Variants in SERPINE3 observed in about 807,000 individuals in gnomAD.
SERPINE3 encodes the protein serpin E3.
In SERPINE3, 43 loss-of-function variants were observed where a neutral mutation model predicts 41.7. The ratio of observed to expected loss-of-function variants is 1.03; its 90% CI spans 0.81 to 1.33. The LOEUF (loss-of-function observed/expected upper bound fraction) is 1.33. Ranked by LOEUF, SERPINE3 falls within the 40% of genes most tolerant of loss-of-function variation. The probability of loss-of-function intolerance (pLI) is 0.00; values close to 1 mark genes in which losing one functional copy is unlikely to be tolerated. For synonymous variants in SERPINE3, 200 were observed against 192.2 expected (o/e 1.04, Z -0.34); for missense variants, 440 against 491.7 (o/e 0.89, Z 0.99).
intron 4 of SERPINE3, among the ~76,000 whole-genome samples, chr13:51,345,854 T>G (rs756280696): frequency 2.0e-5 from 3 of 152,200 alleles, no homozygotes; most frequent in Non-Finnish European, 2.9e-5. Context: ...GATTGTCCTC[T>G]AAGAAAAAGG....
chr13:51,344,300 C>T lies in SERPINE3; in HGVS notation c.305C>T (p.Thr102Ile). The change falls in exon 4 of 10, where the codon ACC becomes ATC. Residue 102 changes from threonine (T) to isoleucine (I), a missense_variant. Transcript: ENST00000681248. ...CATGCTGTTTATGCCACACTACCCACCTCCAGCCAAGGCACCGAGATGGAG... is the reference window on the plus strand; with the variant it reads ...CATGCTGTTTATGCCACACTACCCATCTCCAGCCAAGGCACCGAGATGGAG... ...FLHAVYATLPTSSQGTEMELA... is the reference protein window; with the variant it reads ...FLHAVYATLPISSQGTEMELA... 6.2e-7 allele frequency: 1 copy of T among 1,613,960 alleles called. No individual in the cohort carries two copies. Among genetic ancestry groups the T allele is most frequent in the Non-Finnish European group, 8.5e-7 (1 of 1,179,874 alleles).
At chr13:51,355,834 AAGGCTC>A (rs1448418269) in intron 7 of SERPINE3, among the ~76,000 whole-genome samples, 1 of 152,136 alleles carries the variant, frequency 6.6e-6, no homozygotes, top group African/African-American at 2.4e-5. Flanking sequence ...TGCCAACTCA[AAGGCTC>A]AGGTTTGTTT....
intron 4 of SERPINE3, among the ~76,000 whole-genome samples, chr13:51,346,496 G>A (rs1256584431): frequency 1.3e-5 from 2 of 152,074 alleles, no homozygotes; most frequent in Admixed American, 6.5e-5. Flanking sequence ...AGCAACAGCT[G>A]GTTATAAACA....
chr13:51,345,599 A>G (rs1955338863), intron 4 of SERPINE3, among the ~76,000 whole-genome samples: 1 of 145,178 alleles, frequency 6.9e-6, no homozygotes. Flanking sequence ...TCTCAAAAAA[A>G]AAAAAAAAAA....
rs139437711 is a variant in SERPINE3 at position 51,356,553 on chromosome 13, C to T, written c.1000+1410C>T. Among the ~76,000 whole-genome samples, 744 of 152,118 alleles carry T rather than the reference C, an allele frequency of 4.9e-3. 6 individuals are homozygous for T. The highest frequency in any genetic ancestry group is 0.017 in the African/African-American group (713 of 41,502). On this transcript the variant is annotated intron_variant, in intron 7 of 9. Transcript: ENST00000681248. ...TATTTTCTTCTACATCACTGTATTC[C>T]GTGAATCACTAGGGCTTACTGACTG... is the stretch of plus-strand genomic sequence containing the variant.
In SERPINE3 at chr13:51,341,154, C is replaced by A; in HGVS notation, c.63C>A (p.His21Gln). The A allele has an allele frequency of 1.2e-6, 2 of 1,614,062 alleles. No individual in the cohort carries two copies. The highest frequency in any genetic ancestry group is 1.7e-6 in the Non-Finnish European group (2 of 1,179,898). ...CTTGCTGCCTCCGAGCAAATGGCCA[C>A]CTCCGTGAAGGAATGACATTGCTGA... is the stretch of plus-strand genomic sequence containing the variant. The part of the protein sequence containing the change: ...FHSCCLRANG[H>Q]LREGMTLLKT... Residue 21 changes from histidine (H) to glutamine (Q), a missense_variant, in exon 3 of 10, where the codon CAC becomes CAA. His to Gln is a conservative substitution (Grantham distance 24). Coordinates refer to ENST00000681248, the MANE Select transcript of SERPINE3 (RefSeq NM_001386375.1).
intron 9 of SERPINE3, 58 bp from the exon 10 acceptor site, chr13:51,364,181 C>A: frequency 1.2e-6 from 1 of 824,112 alleles, no homozygotes; most frequent in Non-Finnish European, 1.9e-6. Context: ...GTAAACAAAG[C>A]TTAAAGAACT....
intron 7 of SERPINE3, among the ~76,000 whole-genome samples, chr13:51,359,133 G>A (rs754199202): frequency 6.6e-6 from 1 of 152,040 alleles, no homozygotes; most frequent in East Asian, 1.9e-4. Context: ...AAAATAGGGC[G>A]TATGTCCCTC....
At chr13:51,354,394 A>G (rs929625997) in intron 6 of SERPINE3, 1 of 152,206 alleles carries the variant, frequency 6.6e-6, no homozygotes, top group Non-Finnish European at 1.5e-5. Context: ...CTGATAATCC[A>G]CATAAAGCTC....
chr13:51,348,290 C>G lies in SERPINE3; in HGVS notation c.778C>G (p.Leu260Val). The G allele has an allele frequency of 6.2e-7, 1 of 1,612,046 alleles. No individual in the cohort carries two copies. The highest frequency in any genetic ancestry group is 8.5e-7 in the Non-Finnish European group (1 of 1,179,202). ...CCTGGGAAGTGCAGTGAGTCTGTTC[C>G]TGGTGCTGCCCCGTGACAAAGACAC... ...PYLGSAVSLF[L>V]VLPRDKDTPL... Residue 260 changes from leucine (L) to valine (V), a missense_variant, in exon 6 of 10, where the codon CTG (leucine) becomes GTG (valine). By Grantham distance (32) the Leu-to-Val change is conservative. Transcript: ENST00000681248.
chr13:51,340,990 T>TG, intron 2 of SERPINE3, 85 bp from the exon 3 acceptor site: 1 of 1,380,234 alleles, frequency 7.2e-7, no homozygotes, highest in Admixed American at 1.8e-5. Context: ...AAAACAGAGC[T>TG]GGGGGTCCCA....
Position 51,341,103 on chromosome 13 carries a change from C to T in SERPINE3, c.12C>T (p.Phe4=). The T allele has an allele frequency of 6.2e-7, 1 of 1,613,930 alleles. No homozygotes were observed. The highest frequency in any genetic ancestry group is 8.5e-7 in the Non-Finnish European group (1 of 1,179,834). MPP[F]LITLFLFHSC... ...CCCTCCCAGCCTCCATGCCGCCTTT[C>T]CTGATCACCCTCTTCCTCTTTCACT... Residue 4 remains phenylalanine (F), a synonymous_variant, in exon 3 of 10, where the codon TTC becomes TTT. Coordinates refer to ENST00000681248, the MANE Select transcript of SERPINE3 (RefSeq NM_001386375.1).
intron 9 of SERPINE3, chr13:51,362,938 T>C (rs1183824535): frequency 6.6e-6 from 1 of 152,174 alleles, no homozygotes; most frequent in Non-Finnish European, 1.5e-5. Context: ...TATTTCACCA[T>C]GATCATCCCA....
chr13:51,347,340 C>T (rs187231473), intron 5 of SERPINE3, 106 bp downstream of exon 5: 20 of 965,630 alleles, frequency 2.1e-5, no homozygotes, highest in East Asian at 1.6e-4. Context: ...GATGTGTTTC[C>T]GCAGGGTCCA....
chr13:51,355,593 T>A (rs1316798337), intron 7 of SERPINE3, among the ~76,000 whole-genome samples: 2 of 152,152 alleles, frequency 1.3e-5, no homozygotes, highest in Non-Finnish European at 2.9e-5. Context: ...CCTTCCCTCA[T>A]CTGTCCAATT....
At chr13:51,355,309 T>A (rs1408789819) in intron 7 of SERPINE3, among the ~76,000 whole-genome samples, 166 bp downstream of exon 7, 2 of 152,196 alleles carry the variant, frequency 1.3e-5, no homozygotes, top group East Asian at 3.8e-4. Context: ...CAAATTTGGG[T>A]TAGATCTTGT....
chr13:51,351,154 G>T (rs1297699896), intron 6 of SERPINE3, among the ~76,000 whole-genome samples: 1 of 151,964 alleles, frequency 6.6e-6, no homozygotes, highest in Admixed American at 6.6e-5. Flanking sequence ...CAATTATCTT[G>T]GATATACACC....
intron 9 of SERPINE3, 181 bp from the exon 10 acceptor site, chr13:51,364,058 T>C (rs1024956567): frequency 5.2e-6 from 2 of 386,786 alleles, no homozygotes. Context: ...AGACAATATA[T>C]TCTGGATTTT....
At chr13:51,345,263 C>T (rs1050208191) in intron 4 of SERPINE3, among the ~76,000 whole-genome samples, 2 of 152,038 alleles carry the variant, frequency 1.3e-5, no homozygotes, top group Admixed American at 6.6e-5. Flanking sequence ...CCAGGTGGTC[C>T]GGCTCCAGCA....
Sources: gnomAD v4.1 joint callset for allele counts (sites outside exome capture counted in the v4.1 genomes callset) on GRCh38, gnomAD v4.1.1 for gene constraint, MANE v1.5 for transcripts, NCBI Gene and HGNC (gene_info 2026-07-23, HGNC 2026-07-21) for gene names.